Variants in CRACD observed in about 807,000 individuals in gnomAD.
CRACD encodes capping protein-inhibiting regulator of actin dynamics.
Under a neutral mutation model 106.8 loss-of-function variants are expected in CRACD, and 56 were observed. The observed-to-expected ratio is 0.52, with a 90% CI of 0.42 to 0.66. The LOEUF (loss-of-function observed/expected upper bound fraction) is 0.66. CRACD is among the 30% of genes least tolerant of loss of function. The probability of loss-of-function intolerance (pLI) is 0.00; values close to 1 mark genes in which losing one functional copy is unlikely to be tolerated. For missense variants in CRACD, 1,730 were observed against 1,623.2 expected (o/e 1.07, Z -1.13); for synonymous variants, 754 against 670.8 (o/e 1.12, Z -1.92).
At chr4:56,131,186 G>A (rs886617372) in intron 1 of CRACD, among the ~76,000 whole-genome samples, 16 of 152,138 alleles carry the variant, frequency 1.1e-4, no homozygotes, top group East Asian at 1.9e-4. Context: ...GAGCTACAAC[G>A]TGGTATAACC....
chr4:56,220,389 G>A (rs1323814633), intron 2 of CRACD, among the ~76,000 whole-genome samples: 1 of 152,158 alleles, frequency 6.6e-6, no homozygotes, highest in Admixed American at 6.5e-5. Context: ...TGCTCACTAG[G>A]ATATGAGACA....
At chr4:56,129,118 C>T (rs575466024) in intron 1 of CRACD, among the ~76,000 whole-genome samples, 10 of 152,168 alleles carry the variant, frequency 6.6e-5, no homozygotes, top group Admixed American at 2.6e-4. Context: ...CTCTGTCACC[C>T]GGGCTGGAGT....
intron 1 of CRACD, among the ~76,000 whole-genome samples, chr4:56,152,699 C>G (rs1735624186): frequency 6.6e-6 from 1 of 150,728 alleles, no homozygotes; most frequent in South Asian, 2.1e-4. Flanking sequence ...GACCCTGTCT[C>G]AAAAAAGATA....
intron 1 of CRACD, among the ~76,000 whole-genome samples, chr4:56,082,246 G>T (rs527957693): frequency 1.3e-5 from 2 of 152,240 alleles, no homozygotes; most frequent in South Asian, 4.2e-4. Context: ...AGACAGAGGG[G>T]TGGACCATGC....
At chr4:56,083,507 C>T (rs1376303913) in intron 1 of CRACD, among the ~76,000 whole-genome samples, 2 of 151,806 alleles carry the variant, frequency 1.3e-5, no homozygotes, top group African/African-American at 4.8e-5. Flanking sequence ...CATACCATAC[C>T]CCACCCTACC....
chr4:56,125,764 C>CTTTTT (rs11289899), intron 1 of CRACD, among the ~76,000 whole-genome samples: 228 of 73,280 alleles, frequency 3.1e-3, no homozygotes, highest in Middle Eastern at 0.012. Context: ...CATTCTTCTT[C>CTTTTT]TTTTTTTTTT....
intron 1 of CRACD, among the ~76,000 whole-genome samples, chr4:56,119,129 T>C (rs554980325): frequency 2.6e-5 from 4 of 152,212 alleles, no homozygotes; most frequent in Non-Finnish European, 5.9e-5. Flanking sequence ...CTAAGCATTT[T>C]ATATGCATCA....
intron 1 of CRACD, among the ~76,000 whole-genome samples, chr4:56,080,561 A>G (rs1042205548): frequency 3.9e-5 from 6 of 152,260 alleles, no homozygotes; most frequent in African/African-American, 1.4e-4. Context: ...TGCATGGGCA[A>G]TGAAGACTTC....
intron 1 of CRACD, among the ~76,000 whole-genome samples, chr4:56,111,926 T>C (rs1183555899): frequency 1.3e-5 from 2 of 152,164 alleles, no homozygotes; most frequent in Non-Finnish European, 2.9e-5. Context: ...GAAGGATGTA[T>C]AGTAGAGGAA....
Position 56,314,981 on chromosome 4 carries a change from A to G in CRACD, c.1479A>G (p.Lys493=). 1 of 1,587,864 alleles carries G rather than the reference A, an allele frequency of 6.3e-7. No homozygotes were observed. Residue 493 remains lysine, a synonymous_variant, in exon 8 of 11, where the codon AAA becomes AAG. Transcript: ENST00000682029. This position sits in a 1 kb window ranked among gnomAD's most constrained non-coding sequence, Gnocchi z 4.4. ...REEGDTEPLL[K]QEGPVEAAQP... Reference sequence around the variant, plus strand: ...AAGGGGACACGGAGCCTCTCCTGAAACAAGAGGGGCCGGTGGAAGCCGCGC... The same window carrying G: ...AAGGGGACACGGAGCCTCTCCTGAAGCAAGAGGGGCCGGTGGAAGCCGCGC...
chr4:56,267,928 A>G (rs1742123906), intron 2 of CRACD, among the ~76,000 whole-genome samples: 2 of 152,156 alleles, frequency 1.3e-5, no homozygotes, highest in Admixed American at 1.3e-4. Flanking sequence ...AAACCCTCCC[A>G]GTTCTCAGAA....
intron 1 of CRACD, among the ~76,000 whole-genome samples, chr4:56,134,248 C>T (rs191913178): frequency 1.3e-4 from 19 of 151,908 alleles, no homozygotes; most frequent in Non-Finnish European, 2.2e-4. Context: ...ACATTTTGGA[C>T]AGTCAAATAA....
intron 2 of CRACD, among the ~76,000 whole-genome samples, chr4:56,270,336 G>T (rs182804975): frequency 1.9e-4 from 29 of 152,058 alleles, no homozygotes; most frequent in African/African-American, 6.7e-4. Flanking sequence ...GATTACAGGC[G>T]TGAGCCACCA....
chr4:56,127,132 C>T (rs1183153310), intron 1 of CRACD, among the ~76,000 whole-genome samples: 2 of 152,132 alleles, frequency 1.3e-5, no homozygotes, highest in Non-Finnish European at 2.9e-5. Flanking sequence ...TCTCTCTTGC[C>T]CTTCTGCCTC....
chr4:56,284,031 A>G (rs776586891), intron 3 of CRACD, among the ~76,000 whole-genome samples: 4 of 152,184 alleles, frequency 2.6e-5, no homozygotes, highest in African/African-American at 9.6e-5. Context: ...CCTGGAAAAC[A>G]GCCATGATCT....
At chr4:56,172,985 A>G (rs1736436185) in intron 1 of CRACD, among the ~76,000 whole-genome samples, 1 of 151,950 alleles carries the variant, frequency 6.6e-6, no homozygotes, top group Non-Finnish European at 1.5e-5. Flanking sequence ...CGAACTCTCA[A>G]CCTCAGGTGA....
chr4:56,105,210 G>A (rs940840709), intron 1 of CRACD, among the ~76,000 whole-genome samples: 1 of 152,048 alleles, frequency 6.6e-6, no homozygotes, highest in Admixed American at 6.6e-5. Flanking sequence ...ATGAAATAAT[G>A]TTTGCTGGCA....
intron 2 of CRACD, among the ~76,000 whole-genome samples, chr4:56,193,840 A>G (rs1737487908): frequency 6.6e-6 from 1 of 152,158 alleles, no homozygotes; most frequent in African/African-American, 2.4e-5. Context: ...ATACTGGAGC[A>G]TCCTCTATCC....
chr4:56,092,476 T>C (rs1044581200), intron 1 of CRACD, among the ~76,000 whole-genome samples: 3 of 152,322 alleles, frequency 2.0e-5, no homozygotes, highest in Non-Finnish European at 2.9e-5. Context: ...AGATTTAGTA[T>C]GAGAAAAAGA....
Sources: gnomAD v4.1 joint callset for allele counts (sites outside exome capture counted in the v4.1 genomes callset) on GRCh38, gnomAD v4.1.1 for gene constraint, Gnocchi (gnomAD v3.1) non-coding constraint, MANE v1.5 for transcripts, NCBI Gene and HGNC (gene_info 2026-07-23, HGNC 2026-07-21) for gene names.